The following SYT1 variants were observed in gnomAD, a reference collection of about 807,000 sequenced individuals.
SYT1 encodes the protein synaptotagmin-1.
A neutral mutation model predicts 44.8 loss-of-function variants in SYT1; 8 were observed. The ratio of observed to expected loss-of-function variants is 0.18; its 90% CI spans 0.10 to 0.32. SYT1 has a LOEUF of 0.32. Among genes scored for constraint, SYT1 ranks in the 10% least tolerant of loss-of-function variants. The pLI is 1.00. For synonymous variants in SYT1, 154 were observed against 188.8 expected, an observed-to-expected ratio of 0.82 and a Z score of 1.51; for missense variants, 286 against 509.3, an observed-to-expected ratio of 0.56 and a Z score of 4.22.
chr12:79,005,131 T>C (rs1870993651), intron 2 of SYT1, among the ~76,000 whole-genome samples: 1 of 151,982 alleles, frequency 6.6e-6, no homozygotes, highest in Non-Finnish European at 1.5e-5. Flanking sequence ...TTATTTTCCT[T>C]AGCTATATGT....
chr12:79,057,894 T>C (rs1288949650), intron 3 of SYT1, among the ~76,000 whole-genome samples: 1 of 151,936 alleles, frequency 6.6e-6, no homozygotes, highest in Non-Finnish European at 1.5e-5. Context: ...ATAAGGCAGG[T>C]TGGACAAGCT....
At chr12:78,869,929 T>TTTATG (rs1184383110) in intron 1 of SYT1, among the ~76,000 whole-genome samples, 1 of 152,076 alleles carries the variant, frequency 6.6e-6, no homozygotes, top group African/African-American at 2.4e-5. Context: ...ACATAGTATG[T>TTTATG]TTTATGTTTA....
chr12:78,949,316 ATATTAAAATGGG>A (rs1878838951), intron 1 of SYT1, among the ~76,000 whole-genome samples: 1 of 151,898 alleles, frequency 6.6e-6, no homozygotes, highest in Admixed American at 6.6e-5. Flanking sequence ...CAAGATGGCT[ATATTAAAATGGG>A]TGTGAAATAA....
At chr12:78,974,715 C>G (rs138148663) in intron 1 of SYT1, among the ~76,000 whole-genome samples, 2,078 of 152,210 alleles carry the variant, frequency 0.014, 56 homozygotes, top group African/African-American at 0.048. Flanking sequence ...GCATTACAGG[C>G]GTGAGCCACC....
At chr12:79,078,873 A>G (rs1876842447) in intron 3 of SYT1, among the ~76,000 whole-genome samples, 2 of 152,204 alleles carry the variant, frequency 1.3e-5, no homozygotes, top group Admixed American at 6.5e-5. Flanking sequence ...TTGCCCCTGG[A>G]TGCAAATGGA....
At chr12:79,077,502 A>T (rs1876738180) in intron 3 of SYT1, among the ~76,000 whole-genome samples, 2 of 152,088 alleles carry the variant, frequency 1.3e-5, no homozygotes, top group South Asian at 4.1e-4. Context: ...CCAAATAGTG[A>T]GGGAAATTAG....
At chr12:79,421,388 G>C (rs904764182) in intron 9 of SYT1, among the ~76,000 whole-genome samples, 1 of 152,082 alleles carries the variant, frequency 6.6e-6, no homozygotes, top group Non-Finnish European at 1.5e-5. Flanking sequence ...GCCATTTAGA[G>C]AGTCTGTGCT....
intron 2 of SYT1, among the ~76,000 whole-genome samples, chr12:79,039,440 T>A (rs947778179): frequency 3.9e-5 from 6 of 151,968 alleles, no homozygotes; most frequent in Non-Finnish European, 7.4e-5. Flanking sequence ...AAAATAATCC[T>A]TTGCTATGTT....
intron 3 of SYT1, among the ~76,000 whole-genome samples, chr12:79,088,738 CTG>C (rs571903732): frequency 0.049 from 6,686 of 136,944 alleles, 118 homozygotes; most frequent in African/African-American, 0.074. Context: ...GGCTTTGGGC[CTG>C]TGTGTGTGTG....
intron 3 of SYT1, among the ~76,000 whole-genome samples, chr12:79,136,023 A>G (rs1869167878): frequency 6.6e-6 from 1 of 152,226 alleles, no homozygotes; most frequent in South Asian, 2.1e-4. Flanking sequence ...TTGCCTAAAA[A>G]TTTCTTGAAT....
At chr12:78,885,372 G>GAA in intron 1 of SYT1, among the ~76,000 whole-genome samples, 1 of 150,008 alleles carries the variant, frequency 6.7e-6, no homozygotes, top group Non-Finnish European at 1.5e-5. Flanking sequence ...AGGAAGGAAG[G>GAA]GAGGGAGGGA....
At chr12:78,907,852 A>G (rs950041530) in intron 1 of SYT1, among the ~76,000 whole-genome samples, 1 of 152,056 alleles carries the variant, frequency 6.6e-6, no homozygotes, top group Admixed American at 6.6e-5. Context: ...CAAAATGATC[A>G]AGATGACTGT....
chr12:79,233,912 T>A (rs574517152), intron 4 of SYT1, among the ~76,000 whole-genome samples: 7 of 152,294 alleles, frequency 4.6e-5, no homozygotes, highest in Non-Finnish European at 7.4e-5. Context: ...TTATCTTCCA[T>A]TGGAGATTGA....
chr12:79,022,797 A>G (rs1371841984), intron 2 of SYT1, among the ~76,000 whole-genome samples: 2 of 151,784 alleles, frequency 1.3e-5, no homozygotes, highest in Non-Finnish European at 1.5e-5. Context: ...GATACAAAAA[A>G]CATTTTGAGA....
At chr12:79,059,868 T>A (rs1464518108) in intron 3 of SYT1, among the ~76,000 whole-genome samples, 1 of 152,128 alleles carries the variant, frequency 6.6e-6, no homozygotes, top group Non-Finnish European at 1.5e-5. Flanking sequence ...TTCATATCTA[T>A]ATTTCATAAA....
chr12:79,109,176 G>C (rs1277214649), intron 3 of SYT1, among the ~76,000 whole-genome samples: 2 of 152,144 alleles, frequency 1.3e-5, no homozygotes, highest in African/African-American at 2.4e-5. Context: ...AACTTTTATG[G>C]CTCCAACCCA....
At chr12:78,941,065 CTTTT>C (rs398044555) in intron 1 of SYT1, among the ~76,000 whole-genome samples, 2 of 68,464 alleles carry the variant, frequency 2.9e-5, no homozygotes, top group Non-Finnish European at 5.9e-5. Flanking sequence ...CTTTTTTTTT[CTTTT>C]TTTTTTTTTT....
At chr12:79,137,228 T>G (rs1166877341) in intron 3 of SYT1, among the ~76,000 whole-genome samples, 2 of 152,086 alleles carry the variant, frequency 1.3e-5, no homozygotes, top group African/African-American at 2.4e-5. Context: ...TCCGAGTAGC[T>G]GGGATTACAG....
intron 1 of SYT1, among the ~76,000 whole-genome samples, chr12:78,912,666 C>A (rs918122839): frequency 1.3e-5 from 2 of 151,792 alleles, no homozygotes; most frequent in Admixed American, 1.3e-4. Context: ...ATAACAGGAA[C>A]TTTTTAAAAA....
Sources: allele counts gnomAD v4.1 joint callset (sites outside exome capture counted in the v4.1 genomes callset), GRCh38; gene constraint gnomAD v4.1.1; transcripts MANE v1.5; gene names NCBI Gene and HGNC (gene_info 2026-07-23, HGNC 2026-07-21).